Variants in LHFPL3 observed in about 807,000 individuals in gnomAD.
LHFPL3 encodes the protein LHFPL tetraspan subfamily member 3 protein.
Under a neutral mutation model 19.3 loss-of-function variants are expected in LHFPL3, and 5 were observed. The observed-to-expected ratio is 0.26, with a 90% CI of 0.14 to 0.54. LHFPL3 has a LOEUF of 0.54. Among genes scored for constraint, LHFPL3 ranks in the 20% least tolerant of loss-of-function variants. LHFPL3 has a pLI of 0.94. For missense variants in LHFPL3, 249 were observed against 307.4 expected, an observed-to-expected ratio of 0.81 and a Z score of 1.42; for synonymous variants, 133 against 126.2, an observed-to-expected ratio of 1.05 and a Z score of -0.36.
chr7:104,668,540 A>C (rs1792405785), intron 1 of LHFPL3: 6 of 1,613,028 alleles, frequency 3.7e-6, no homozygotes, highest in Non-Finnish European at 5.1e-6. Context: ...ACTATGATAG[A>C]GGCTATGATT....
intron 1 of LHFPL3, among the ~76,000 whole-genome samples, chr7:104,418,107 C>A (rs1031986048): frequency 1.3e-5 from 2 of 152,062 alleles, no homozygotes; most frequent in Admixed American, 1.3e-4. Flanking sequence ...AACTCCTGAC[C>A]TCAGGTGATC....
At position 104,383,706 on chromosome 7, in the gene LHFPL3, A is replaced by C. The variant is rs546764358; in HGVS notation, c.445+54482A>C. 1.8e-4 allele frequency among the ~76,000 whole-genome samples: 27 copies of C among 152,324 alleles called. No homozygotes were observed. In the South Asian group the frequency reaches 5.6e-3, roughly 32 times the overall value. On this transcript the variant is annotated intron_variant, in intron 1 of 2. Transcript: ENST00000424859. ...TTTTTTTAACAGTATTTAAAATTTA[A>C]AGGTAAGATTGTAGGAATTGCTTAT...
intron 1 of LHFPL3, among the ~76,000 whole-genome samples, chr7:104,461,879 A>G (rs1369621761): frequency 6.6e-6 from 1 of 152,320 alleles, no homozygotes; most frequent in East Asian, 1.9e-4. Flanking sequence ...CTTCCTATCC[A>G]TGAGCATGGA....
chr7:104,336,730 A>C (rs1005512752), intron 1 of LHFPL3, among the ~76,000 whole-genome samples: 3 of 152,220 alleles, frequency 2.0e-5, no homozygotes, highest in Non-Finnish European at 4.4e-5. Flanking sequence ...TGTGTGCTCA[A>C]CAGGAAGAAA....
chr7:104,727,169 T>C (rs773598853), intron 1 of LHFPL3, among the ~76,000 whole-genome samples: 47 of 152,182 alleles, frequency 3.1e-4, no homozygotes, highest in African/African-American at 1.1e-3. Context: ...CACTTTTTAA[T>C]TGGGTTGTGT....
At chr7:104,671,760 C>A (rs1295317917) in intron 1 of LHFPL3, among the ~76,000 whole-genome samples, 3 of 152,042 alleles carry the variant, frequency 2.0e-5, no homozygotes, top group Non-Finnish European at 2.9e-5. Context: ...TTATTCAGGA[C>A]CTTCTAGGCG....
intron 2 of LHFPL3, among the ~76,000 whole-genome samples, chr7:104,842,295 T>C (rs983194023): frequency 4.6e-4 from 2 of 4,326 alleles, no homozygotes; most frequent in African/African-American, 8.6e-4. Flanking sequence ...TTTGCGGGGG[T>C]GGGGGGGTGG....
chr7:104,464,356 G>A (rs746759465), intron 1 of LHFPL3, among the ~76,000 whole-genome samples: 6 of 152,096 alleles, frequency 3.9e-5, no homozygotes, highest in Non-Finnish European at 7.4e-5. Flanking sequence ...AGCTGTTGGT[G>A]GATACCATTC....
chr7:104,349,036 CCTT>C (rs543523297), intron 1 of LHFPL3, among the ~76,000 whole-genome samples: 4 of 152,262 alleles, frequency 2.6e-5, no homozygotes, highest in African/African-American at 9.6e-5. Flanking sequence ...CTCTTATCCT[CCTT>C]CTCTTCTTCA....
chr7:104,387,712 A>G (rs1352754250), intron 1 of LHFPL3, among the ~76,000 whole-genome samples: 1 of 152,200 alleles, frequency 6.6e-6, no homozygotes, highest in African/African-American at 2.4e-5. Context: ...ACAGCCAAGA[A>G]GCTCAATGAC....
At chr7:104,865,135 G>GA (rs1251902353) in intron 2 of LHFPL3, among the ~76,000 whole-genome samples, 6 of 152,064 alleles carry the variant, frequency 3.9e-5, no homozygotes, top group South Asian at 4.1e-4. Flanking sequence ...AAAAACAGCA[G>GA]AAAAAAACTG....
rs369583656 is a variant in LHFPL3 at position 104,692,515 on chromosome 7, T to C, written c.446-44160T>C. Among the ~76,000 whole-genome samples the C allele has an allele frequency of 1.8e-3, 277 of 152,346 alleles. 3 individuals are homozygous for C. The highest frequency in any genetic ancestry group is 6.1e-3 in the African/African-American group (253 of 41,584). On this transcript the variant is annotated intron_variant, in intron 1 of 2. Transcript: ENST00000424859. ...GACTTGGTGCCTTGCATCCCAGCCA[T>C]GGCTAAAAGGGGTGAACATACACTC...
chr7:104,648,601 C>T (rs930533707), intron 1 of LHFPL3, among the ~76,000 whole-genome samples: 1 of 152,182 alleles, frequency 6.6e-6, no homozygotes, highest in Admixed American at 6.5e-5. Context: ...TCTAACCCTG[C>T]ACCATTTTGT....
chr7:104,699,535 T>C (rs374900523), intron 1 of LHFPL3, among the ~76,000 whole-genome samples: 115 of 151,924 alleles, frequency 7.6e-4, no homozygotes, highest in African/African-American at 2.2e-3. Context: ...TTGCCAAGGG[T>C]TGGGGAGAAA....
intron 2 of LHFPL3, among the ~76,000 whole-genome samples, chr7:104,900,884 C>A (rs1047562040): frequency 6.6e-6 from 1 of 152,182 alleles, no homozygotes; most frequent in African/African-American, 2.4e-5. Flanking sequence ...AACAAAGATC[C>A]AAAGCAGCAT....
At chr7:104,571,099 T>A (rs540167212) in intron 1 of LHFPL3, among the ~76,000 whole-genome samples, 1 of 152,192 alleles carries the variant, frequency 6.6e-6, no homozygotes, top group Non-Finnish European at 1.5e-5. Flanking sequence ...ATATTTCACA[T>A]TCAGCTTAAA....
intron 1 of LHFPL3, among the ~76,000 whole-genome samples, chr7:104,422,373 A>G (rs1030857062): frequency 7.9e-5 from 12 of 151,998 alleles, no homozygotes; most frequent in African/African-American, 2.9e-4. Context: ...AACAACAACA[A>G]CAACAACAAG....
intron 1 of LHFPL3, among the ~76,000 whole-genome samples, chr7:104,498,947 A>G (rs1256312702): frequency 6.6e-6 from 1 of 152,208 alleles, no homozygotes; most frequent in African/African-American, 2.4e-5. Context: ...TTGAAGACCA[A>G]TTCCAAAAAT....
chr7:104,678,821 A>G (rs1445419833), intron 1 of LHFPL3, among the ~76,000 whole-genome samples: 1 of 152,168 alleles, frequency 6.6e-6, no homozygotes, highest in Non-Finnish European at 1.5e-5. Context: ...CATAGGTTTT[A>G]TTTGTTTCTT....
Sources: allele counts gnomAD v4.1 joint callset (sites outside exome capture counted in the v4.1 genomes callset), GRCh38; gene constraint gnomAD v4.1.1; transcripts MANE v1.5; gene names NCBI Gene and HGNC (gene_info 2026-07-23, HGNC 2026-07-21).